Variants in FAF1 observed in about 807,000 individuals in gnomAD.
The protein encoded by FAF1 is FAS-associated factor 1.
FAF1 carries 25 observed loss-of-function variants against 92.5 expected under a neutral mutation model. That is an observed-to-expected ratio of 0.27 (90% CI 0.20 to 0.38). The LOEUF (loss-of-function observed/expected upper bound fraction) is 0.38, where lower values mean the gene tolerates loss of function less well. FAF1 is among the 10% of genes least tolerant of loss of function. The pLI, the probability that FAF1 is intolerant of heterozygous loss-of-function variation, is 1.00. For missense variants in FAF1, 636 were observed against 793.3 expected (o/e 0.80, Z 2.38); for synonymous variants, 234 against 273.2 (o/e 0.86, Z 1.42).
At chr1:50,871,156 C>T (rs1644524798) in intron 1 of FAF1, among the ~76,000 whole-genome samples, 1 of 152,206 alleles carries the variant, frequency 6.6e-6, no homozygotes, top group South Asian at 2.1e-4. Context: ...TTCTACGACA[C>T]AGGTGAGGAC....
At chr1:50,920,998 A>G (rs1185687024) in intron 1 of FAF1, among the ~76,000 whole-genome samples, 1 of 152,246 alleles carries the variant, frequency 6.6e-6, no homozygotes, top group African/African-American at 2.4e-5. Context: ...TATCACAGAC[A>G]AATGATTATA....
chr1:50,805,008 A>G (rs1442940758), intron 2 of FAF1, among the ~76,000 whole-genome samples: 1 of 152,234 alleles, frequency 6.6e-6, no homozygotes, highest in Non-Finnish European at 1.5e-5. Context: ...TATAAGAACT[A>G]TATCACTTGC....
At chr1:50,446,705 T>G (rs1646231277) in intron 18 of FAF1, among the ~76,000 whole-genome samples, 1 of 152,328 alleles carries the variant, frequency 6.6e-6, no homozygotes, top group South Asian at 2.1e-4. Context: ...ATTTAATATT[T>G]CTGAGGTAAT....
intron 7 of FAF1, among the ~76,000 whole-genome samples, chr1:50,669,893 G>A (rs919374175): frequency 1.3e-5 from 2 of 152,108 alleles, no homozygotes; most frequent in Non-Finnish European, 2.9e-5. Flanking sequence ...AGGCCAAGGC[G>A]GGCGGATCAC....
At chr1:50,703,593 G>A (rs571513401) in intron 7 of FAF1, among the ~76,000 whole-genome samples, 7 of 151,320 alleles carry the variant, frequency 4.6e-5, no homozygotes, top group Non-Finnish European at 1.0e-4. Context: ...TAACTTAAAG[G>A]GAAAAAAAGG....
chr1:50,472,415 ACACAC>A (rs1646586683), intron 18 of FAF1, among the ~76,000 whole-genome samples: 1 of 146,812 alleles, frequency 6.8e-6, no homozygotes, highest in Non-Finnish European at 1.5e-5. Context: ...ACACACACAC[ACACAC>A]ACAAACCCCA....
chr1:50,619,366 T>C (rs1653084815), intron 8 of FAF1, among the ~76,000 whole-genome samples: 1 of 152,224 alleles, frequency 6.6e-6, no homozygotes, highest in South Asian at 2.1e-4. Flanking sequence ...TTTGTTGTAG[T>C]GGTATCATTC....
chr1:50,860,566 C>A (rs769402030), intron 1 of FAF1, among the ~76,000 whole-genome samples: 10 of 151,572 alleles, frequency 6.6e-5, no homozygotes, highest in Non-Finnish European at 1.3e-4. Flanking sequence ...TCACACCAGT[C>A]AAAGTGACTA....
At chr1:50,605,864 T>G (rs367550319) in intron 8 of FAF1, among the ~76,000 whole-genome samples, 31 of 152,340 alleles carry the variant, frequency 2.0e-4, no homozygotes, top group East Asian at 1.2e-3. Flanking sequence ...TTACTCAGAG[T>G]TGATAACTTA....
intron 15 of FAF1, among the ~76,000 whole-genome samples, chr1:50,523,199 T>G (rs181365956): frequency 2.0e-5 from 3 of 152,344 alleles, no homozygotes; most frequent in African/African-American, 7.2e-5. Flanking sequence ...ACTTTTTGGC[T>G]ATTATGAATA....
At chr1:50,582,547 G>A in intron 12 of FAF1, 71 bp downstream of exon 12, 1 of 921,224 alleles carries the variant, frequency 1.1e-6, no homozygotes. Flanking sequence ...AAACATTTAA[G>A]CATTGCCTCA....
At chr1:50,743,943 C>A (rs1411030813) in intron 5 of FAF1, among the ~76,000 whole-genome samples, 1 of 151,952 alleles carries the variant, frequency 6.6e-6, no homozygotes, top group Non-Finnish European at 1.5e-5. Flanking sequence ...TGGTGGCACG[C>A]ACCTGTAGTC....
intron 4 of FAF1, among the ~76,000 whole-genome samples, chr1:50,776,375 G>A (rs767765232): frequency 4.6e-5 from 7 of 152,148 alleles, no homozygotes; most frequent in South Asian, 4.1e-4. Context: ...ATTTGTTCTG[G>A]ATTATAGTTT....
intron 4 of FAF1, among the ~76,000 whole-genome samples, chr1:50,759,692 G>A (rs1001811064): frequency 1.2e-4 from 19 of 152,242 alleles, no homozygotes; most frequent in African/African-American, 4.3e-4. Context: ...GGGTCAAATG[G>A]TATTTCTAGT....
At chr1:50,810,882 C>A (rs1221258574) in intron 2 of FAF1, among the ~76,000 whole-genome samples, 1 of 152,186 alleles carries the variant, frequency 6.6e-6, no homozygotes, top group Non-Finnish European at 1.5e-5. Context: ...GACCCCGTCT[C>A]TACTGAAAAC....
intron 2 of FAF1, chr1:50,846,901 G>A (rs973108924): frequency 2.7e-6 from 1 of 365,594 alleles, no homozygotes; most frequent in African/African-American, 2.2e-5. Context: ...CAGCATGGAT[G>A]AGAAGAAATA....
chr1:50,554,388 T>TAGAGAGAGAG (rs559745248), intron 13 of FAF1, among the ~76,000 whole-genome samples: 185 of 100,668 alleles, frequency 1.8e-3, no homozygotes, highest in African/African-American at 2.7e-3. Flanking sequence ...TATATATATA[T>TAGAGAGAGAG]ATAGAGAGAG....
At chr1:50,494,886 T>TATATTTA (rs1414614417) in intron 15 of FAF1, among the ~76,000 whole-genome samples, 4 of 152,364 alleles carry the variant, frequency 2.6e-5, no homozygotes, top group Non-Finnish European at 5.9e-5. Flanking sequence ...TTCAGTCTAG[T>TATATTTA]AACTTTTATT....
chr1:50,660,438 TAAA>T, intron 7 of FAF1, among the ~76,000 whole-genome samples: 1 of 151,972 alleles, frequency 6.6e-6, no homozygotes, highest in African/African-American at 2.4e-5. Flanking sequence ...AGCAAACTAA[TAAA>T]AAAGTCACAA....
Sources: allele counts gnomAD v4.1 joint callset (sites outside exome capture counted in the v4.1 genomes callset), GRCh38; gene constraint gnomAD v4.1.1; transcripts MANE v1.5; gene names NCBI Gene and HGNC (gene_info 2026-07-23, HGNC 2026-07-21).